Variants in TULP4 observed in about 807,000 individuals in gnomAD.
TULP4 encodes tubby-related protein 4.
TULP4 carries 16 observed loss-of-function variants against 129.0 expected under a neutral mutation model. The observed-to-expected ratio is 0.12, with a 90% CI of 0.08 to 0.19. TULP4 has a LOEUF of 0.19. Among genes scored for constraint, TULP4 ranks in the 10% least tolerant of loss-of-function variants. The pLI is 1.00. For synonymous variants in TULP4, 998 were observed against 854.0 expected (o/e 1.17, Z -2.94); for missense variants, 1,842 against 2,059.1 (o/e 0.89, Z 2.04).
At chr6:158,506,510 C>A in intron 13 of TULP4, 68 bp from the exon 14 acceptor site, 1 of 1,031,496 alleles carries the variant, frequency 9.7e-7, no homozygotes. Context: ...GGACTACAGG[C>A]GTGAGCCACT....
intron 3 of TULP4, among the ~76,000 whole-genome samples, chr6:158,438,428 G>A (rs1005612376): frequency 6.6e-6 from 1 of 152,190 alleles, no homozygotes; most frequent in Non-Finnish European, 1.5e-5. Flanking sequence ...GGCTCTGGAG[G>A]AGCGCACCTG....
intron 1 of TULP4, among the ~76,000 whole-genome samples, chr6:158,305,561 C>T (rs937190078): frequency 2.6e-5 from 4 of 151,348 alleles, no homozygotes; most frequent in African/African-American, 9.7e-5. Context: ...AAAAAATTAG[C>T]TAGCCTGGTG....
At chr6:158,263,615 G>A (rs1235690456) in intron 1 of TULP4, among the ~76,000 whole-genome samples, 1 of 152,144 alleles carries the variant, frequency 6.6e-6, no homozygotes, top group African/African-American at 2.4e-5. Flanking sequence ...AATTAGCTGG[G>A]CGTGATGGGA....
intron 1 of TULP4, among the ~76,000 whole-genome samples, chr6:158,306,561 TAAAG>T (rs1046172782): frequency 9.9e-5 from 15 of 152,260 alleles, no homozygotes; most frequent in East Asian, 1.9e-4. Context: ...CTTTTCAAAA[TAAAG>T]AAAGAAGGAA....
intron 1 of TULP4, among the ~76,000 whole-genome samples, chr6:158,374,339 A>T (rs1777137895): frequency 6.6e-6 from 1 of 151,842 alleles, no homozygotes; most frequent in Non-Finnish European, 1.5e-5. Context: ...TTTTCCAGGA[A>T]TTGGTAGTGT....
intron 1 of TULP4, among the ~76,000 whole-genome samples, chr6:158,350,427 C>T (rs1433952192): frequency 6.6e-6 from 1 of 152,234 alleles, no homozygotes; most frequent in Non-Finnish European, 1.5e-5. Flanking sequence ...TGCACTCCAG[C>T]CTGGGCAACA....
At chr6:158,250,422 C>T (rs1465363464) in intron 1 of TULP4, among the ~76,000 whole-genome samples, 2 of 152,188 alleles carry the variant, frequency 1.3e-5, no homozygotes, top group East Asian at 3.8e-4. Context: ...TCCCAAAGTG[C>T]TGGGATTACA....
chr6:158,452,019 G>A (rs902725469), intron 4 of TULP4, 115 bp from the exon 5 acceptor site: 3 of 1,455,140 alleles, frequency 2.1e-6, no homozygotes, highest in Admixed American at 3.8e-5. Flanking sequence ...CCAATCCAGA[G>A]TAGGATCTGC....
chr6:158,351,606 C>T (rs1198971780), intron 1 of TULP4, among the ~76,000 whole-genome samples: 1 of 146,928 alleles, frequency 6.8e-6, no homozygotes, highest in Non-Finnish European at 1.5e-5. Flanking sequence ...GTGGACTTTA[C>T]AAACTTAGAC....
At chr6:158,315,966 A>T (rs567375004) in intron 1 of TULP4, among the ~76,000 whole-genome samples, 17 of 152,370 alleles carry the variant, frequency 1.1e-4, no homozygotes, top group South Asian at 1.0e-3. Flanking sequence ...GGGGATGGAA[A>T]CATTCAGATC....
At chr6:158,271,732 A>T (rs1464021647) in intron 1 of TULP4, among the ~76,000 whole-genome samples, 2 of 152,306 alleles carry the variant, frequency 1.3e-5, no homozygotes, top group African/African-American at 4.8e-5. Context: ...GCCTGGCCCC[A>T]CATTAAAAAT....
intron 5 of TULP4, among the ~76,000 whole-genome samples, chr6:158,458,070 T>C (rs1370352942): frequency 6.6e-6 from 1 of 152,200 alleles, no homozygotes; most frequent in African/African-American, 2.4e-5. Flanking sequence ...AGGTGAATCA[T>C]GCACATGGTA....
In TULP4 at chr6:158,503,605, C is replaced by A. The variant is rs1582886630; in HGVS notation, c.3942C>A (p.Asn1314Lys). ...AGGTGATGGTAGAGACTGCAGACAA[C>A]TTCCAGGAAGTCCTCTCCCTGACCG... Reference protein sequence around the residue: ...GTEVMVETADNFQEVLSLTES... With the variant: ...GTEVMVETADKFQEVLSLTES... Residue 1314 changes from asparagine to lysine, a missense_variant, in exon 13 of 14, where the codon AAC becomes AAA. Transcript: ENST00000367097. This position sits in a 1 kb window ranked among gnomAD's most constrained non-coding sequence, Gnocchi z 4.3. The A allele has an allele frequency of 1.2e-6, 2 of 1,613,956 alleles. No individual in the cohort carries two copies. The highest frequency in any genetic ancestry group is 1.7e-5 in the Admixed American group (1 of 60,002).
chr6:158,464,382 G>C (rs1441141287), intron 6 of TULP4, among the ~76,000 whole-genome samples: 1 of 152,230 alleles, frequency 6.6e-6, no homozygotes, highest in Non-Finnish European at 1.5e-5. Context: ...TCTTTGGTTG[G>C]TTGAAAGAGT....
chr6:158,250,370 A>G (rs1778117872), intron 1 of TULP4, among the ~76,000 whole-genome samples: 1 of 151,382 alleles, frequency 6.6e-6, no homozygotes, highest in Admixed American at 6.6e-5. Flanking sequence ...GTTGGCCAGG[A>G]TGATCTCGAT....
intron 1 of TULP4, among the ~76,000 whole-genome samples, chr6:158,326,337 G>GT (rs1244272434): frequency 4.6e-5 from 7 of 151,868 alleles, no homozygotes; most frequent in Non-Finnish European, 1.0e-4. Flanking sequence ...TTTTGTTTTT[G>GT]TTTTTTTCCT....
chr6:158,472,653 A>T (rs934795860), intron 6 of TULP4, among the ~76,000 whole-genome samples: 2 of 152,218 alleles, frequency 1.3e-5, no homozygotes, highest in African/African-American at 4.8e-5. Flanking sequence ...TGGACTGCTT[A>T]TAAAAAGAAC....
chr6:158,352,349 A>G (rs1780544261), intron 1 of TULP4, among the ~76,000 whole-genome samples: 2 of 152,312 alleles, frequency 1.3e-5, no homozygotes, highest in Admixed American at 1.3e-4. Context: ...TTTTTCATTT[A>G]TTCATTAGAT....
intron 4 of TULP4, among the ~76,000 whole-genome samples, 165 bp downstream of exon 4, chr6:158,449,341 T>C (rs1416528178): frequency 6.6e-6 from 1 of 152,158 alleles, no homozygotes; most frequent in African/African-American, 2.4e-5. Context: ...AGGGCTGGCC[T>C]CATCTAGATG....
Sources: allele counts gnomAD v4.1 joint callset (sites outside exome capture counted in the v4.1 genomes callset), GRCh38; gene constraint gnomAD v4.1.1; non-coding constraint Gnocchi (gnomAD v3.1); transcripts MANE v1.5; gene names NCBI Gene and HGNC (gene_info 2026-07-23, HGNC 2026-07-21).